The following GABRA2 variants were observed in gnomAD, a reference collection of about 807,000 sequenced individuals.
The protein encoded by GABRA2 is gamma-aminobutyric acid receptor subunit alpha-2.
A neutral mutation model predicts 48.7 loss-of-function variants in GABRA2; 16 were observed. The observed-to-expected ratio is 0.33, with a 90% CI of 0.22 to 0.50. GABRA2 has a LOEUF of 0.50. Among genes scored for constraint, GABRA2 ranks in the 20% least tolerant of loss-of-function variants. GABRA2 has a pLI of 0.98. For missense variants in GABRA2, 275 were observed against 535.6 expected (o/e 0.51, Z 4.80); for synonymous variants, 185 against 184.5 (o/e 1.00, Z -0.02).
intron 3 of GABRA2, among the ~76,000 whole-genome samples, chr4:46,375,409 G>T (rs1386743748): frequency 1.3e-5 from 2 of 151,908 alleles, no homozygotes; most frequent in Non-Finnish European, 2.9e-5. Flanking sequence ...TTTTCATTTT[G>T]CTGTTCATGT....
intron 3 of GABRA2, among the ~76,000 whole-genome samples, chr4:46,378,466 T>C (rs1437627126): frequency 1.3e-5 from 2 of 151,858 alleles, no homozygotes; most frequent in Non-Finnish European, 2.9e-5. Context: ...GGCAGCATGC[T>C]CGTTAAGAGT....
chr4:46,331,515 T>C (rs1216577034), intron 4 of GABRA2, among the ~76,000 whole-genome samples: 1 of 152,164 alleles, frequency 6.6e-6, no homozygotes, highest in Non-Finnish European at 1.5e-5. Context: ...AGGTAGAAAA[T>C]GTCCAACCTT....
chr4:46,378,247 T>G (rs1372307387), intron 3 of GABRA2, among the ~76,000 whole-genome samples: 2 of 152,110 alleles, frequency 1.3e-5, no homozygotes, highest in Non-Finnish European at 2.9e-5. Context: ...GACTGAGAAA[T>G]CGGATGGTTG....
In GABRA2 at chr4:46,243,653, G is replaced by C. The variant is rs558362280; in HGVS notation, c.*6655C>G. The C allele has an allele frequency of 1.2e-4, 18 of 151,422 alleles. No individual in the cohort carries two copies. The South Asian group carries it at 3.7e-3, about 31-fold the overall frequency. 9.4% of individuals were successfully genotyped at this position (151,422 alleles called of 1,614,324 possible). A position where few individuals can be genotyped will look rare whatever the true frequency, so the allele number is the denominator to read the frequency against. ...AGCAAGCATGACATATTCAATAAAG[G>C]TCATATGATCAACTAGTGGCCTTTC... On this transcript the variant is annotated 3_prime_UTR_variant, in exon 10 of 10. Transcript: ENST00000381620.
intron 5 of GABRA2, among the ~76,000 whole-genome samples, chr4:46,310,935 A>T (rs1258293001): frequency 2.0e-5 from 3 of 152,196 alleles, no homozygotes; most frequent in Non-Finnish European, 4.4e-5. Flanking sequence ...ATTCCATTTC[A>T]TGTAAAGACA....
chr4:46,258,114 T>C (rs1716209995), intron 9 of GABRA2, among the ~76,000 whole-genome samples: 1 of 151,798 alleles, frequency 6.6e-6, no homozygotes, highest in African/African-American at 2.4e-5. Context: ...TGTATAGTTA[T>C]CAATAATGAC....
intron 4 of GABRA2, among the ~76,000 whole-genome samples, chr4:46,327,491 A>C (rs975767455): frequency 6.6e-6 from 1 of 152,006 alleles, no homozygotes; most frequent in Admixed American, 6.6e-5. Flanking sequence ...GCTGGCTTTA[A>C]AGGGAGTAAA....
intron 3 of GABRA2, among the ~76,000 whole-genome samples, chr4:46,339,487 T>C (rs1732841014): frequency 6.6e-6 from 1 of 151,876 alleles, no homozygotes; most frequent in African/African-American, 2.4e-5. Flanking sequence ...GTTAACTAAA[T>C]AAATTCTTAC....
chr4:46,326,785 G>T (rs1341345227), intron 4 of GABRA2, among the ~76,000 whole-genome samples: 2 of 151,810 alleles, frequency 1.3e-5, no homozygotes, highest in Non-Finnish European at 2.9e-5. Flanking sequence ...CCAGATCTAT[G>T]CCTGCTACCT....
chr4:46,320,255 G>A (rs996116018), intron 4 of GABRA2, among the ~76,000 whole-genome samples: 3 of 151,760 alleles, frequency 2.0e-5, no homozygotes, highest in Non-Finnish European at 1.5e-5. Context: ...AATTAAATTG[G>A]ACATCTATCT....
chr4:46,304,640 C>T (rs1726325672), intron 7 of GABRA2, among the ~76,000 whole-genome samples: 1 of 151,734 alleles, frequency 6.6e-6, no homozygotes, highest in African/African-American at 2.4e-5. Context: ...AAGAAATTAT[C>T]ACTTGTTGGC....
chr4:46,368,952 T>C, intron 3 of GABRA2: 4 of 698,070 alleles, frequency 5.7e-6, no homozygotes, highest in Non-Finnish European at 7.9e-6. Flanking sequence ...TTTGGGTCCC[T>C]TTGTTCTGGC....
In GABRA2 at chr4:46,349,569, T is replaced by A. The variant is rs187145946; in HGVS notation, c.188-16887A>T. Among the ~76,000 whole-genome samples, 4 of 152,042 alleles carry A rather than the reference T, an allele frequency of 2.6e-5. No individual in the cohort carries two copies. The East Asian group carries it at 7.8e-4, about 30-fold the overall frequency. ...TCGGTTGCTTTTGTTTCAAGTAGAG[T>A]TTGGTTTTCATTTTCAACAATCCAA... On this transcript the variant is annotated intron_variant, in intron 3 of 9. Coordinates refer to ENST00000381620, the MANE Select transcript of GABRA2 (RefSeq NM_000807.4).
chr4:46,364,890 TAAAACATGTGAC>T (rs1713803385), intron 3 of GABRA2: 1 of 152,192 alleles, frequency 6.6e-6, no homozygotes, highest in Non-Finnish European at 1.5e-5. Context: ...ACAGGGCATG[TAAAACATGTGAC>T]AAGAAATTTG....
chr4:46,332,197 T>A (rs1247305199), intron 4 of GABRA2, among the ~76,000 whole-genome samples: 1 of 151,822 alleles, frequency 6.6e-6, no homozygotes, highest in Non-Finnish European at 1.5e-5. Flanking sequence ...AATCAAAGGG[T>A]TTTTTGTTGT....
intron 8 of GABRA2, among the ~76,000 whole-genome samples, chr4:46,280,100 G>T (rs1371533867): frequency 6.6e-6 from 1 of 151,570 alleles, no homozygotes; most frequent in South Asian, 2.1e-4. Flanking sequence ...AAAGTATAGT[G>T]GGAAAAACAG....
At chr4:46,364,418 C>T (rs1713714870) in intron 3 of GABRA2, 1 of 148,142 alleles carries the variant, frequency 6.8e-6, no homozygotes, top group Non-Finnish European at 1.5e-5. Flanking sequence ...TAAGACAATA[C>T]CCATTTATTA....
chr4:46,301,744 C>A (rs1384639531), intron 8 of GABRA2, among the ~76,000 whole-genome samples: 1 of 152,174 alleles, frequency 6.6e-6, no homozygotes, highest in African/African-American at 2.4e-5. Context: ...TTTACAAGAC[C>A]TTTACCTTAT....
At chr4:46,363,264 G>C (rs1009394477) in intron 3 of GABRA2, among the ~76,000 whole-genome samples, 3 of 152,174 alleles carry the variant, frequency 2.0e-5, no homozygotes, top group Non-Finnish European at 4.4e-5. Context: ...GGAGTATTAA[G>C]AGTTAGTGGA....
Sources: allele counts gnomAD v4.1 joint callset (sites outside exome capture counted in the v4.1 genomes callset), GRCh38; gene constraint gnomAD v4.1.1; transcripts MANE v1.5; gene names NCBI Gene and HGNC (gene_info 2026-07-23, HGNC 2026-07-21).